The following PRIM2 variants were observed in gnomAD, a reference collection of about 807,000 sequenced individuals.
PRIM2 encodes the protein DNA primase large subunit.
PRIM2 carries 39 observed loss-of-function variants against 67.3 expected under a neutral mutation model. That is an observed-to-expected ratio of 0.58 (90% confidence interval 0.45 to 0.76). The LOEUF (loss-of-function observed/expected upper bound fraction) is 0.76. Ranked by LOEUF, PRIM2 falls within the 30% of genes least tolerant of loss-of-function variation. PRIM2 has a pLI of 0.00. For synonymous variants in PRIM2, 143 were observed against 198.7 expected (o/e 0.72, Z 2.36); for missense variants, 398 against 598.7 (o/e 0.66, Z 3.50).
intron 7 of PRIM2, among the ~76,000 whole-genome samples, chr6:57,461,357 C>T (rs1455104635): frequency 6.6e-6 from 1 of 152,180 alleles, no homozygotes; most frequent in African/African-American, 2.4e-5. Flanking sequence ...GATGGATAAA[C>T]CTTGTAGTTC....
intron 7 of PRIM2, among the ~76,000 whole-genome samples, chr6:57,430,943 G>C (rs1325449674): frequency 6.6e-6 from 1 of 152,102 alleles, no homozygotes; most frequent in Non-Finnish European, 1.5e-5. Flanking sequence ...ACTGATTGTA[G>C]AACATCAAAA....
At chr6:57,260,313 T>C in the PRIM2 span, among the ~76,000 whole-genome samples, 1 of 152,300 alleles carries the variant, frequency 6.6e-6, no homozygotes, top group East Asian at 1.9e-4. Flanking sequence ...GACCTTGAAA[T>C]ATATTTGACT....
intron 2 of PRIM2, among the ~76,000 whole-genome samples, chr6:57,319,332 C>T (rs1767576513): frequency 6.6e-6 from 1 of 152,162 alleles, no homozygotes; most frequent in Admixed American, 6.5e-5. Flanking sequence ...GAAACAGAAA[C>T]ACTAGCGTTG....
chr6:57,475,762 C>CA (rs1773462998), intron 7 of PRIM2, among the ~76,000 whole-genome samples: 1 of 152,162 alleles, frequency 6.6e-6, no homozygotes, highest in Admixed American at 6.5e-5. Context: ...TTCTTTTGCA[C>CA]ATTTATCACA....
At chr6:57,447,265 T>TA (rs1247104276) in intron 7 of PRIM2, among the ~76,000 whole-genome samples, 1 of 152,256 alleles carries the variant, frequency 6.6e-6, no homozygotes, top group Non-Finnish European at 1.5e-5. Context: ...TTTATGGAGA[T>TA]ATTGGTTCTG....
intron 8 of PRIM2, among the ~76,000 whole-genome samples, chr6:57,513,819 A>G (rs1210287075): frequency 2.0e-5 from 3 of 152,204 alleles, no homozygotes; most frequent in African/African-American, 7.2e-5. Context: ...GGTTGTAGTG[A>G]GCCAGGATCA....
the PRIM2 span, among the ~76,000 whole-genome samples, chr6:57,267,825 G>C: frequency 6.7e-6 from 1 of 150,244 alleles, no homozygotes; most frequent in Non-Finnish European, 1.5e-5. Context: ...TCCCGCCTTG[G>C]CCTCCCAAAG....
At chr6:57,229,787 G>T in the PRIM2 span, among the ~76,000 whole-genome samples, 1 of 152,176 alleles carries the variant, frequency 6.6e-6, no homozygotes, top group South Asian at 2.1e-4. Flanking sequence ...ACTGTGCCTG[G>T]CCTGCATTGC....
At chr6:57,334,292 A>T (rs988561719) in intron 5 of PRIM2, among the ~76,000 whole-genome samples, 6 of 151,998 alleles carry the variant, frequency 3.9e-5, no homozygotes, top group Non-Finnish European at 8.8e-5. Context: ...TATTGCATTT[A>T]AAAAAATCCA....
intron 7 of PRIM2, among the ~76,000 whole-genome samples, chr6:57,445,873 C>T (rs1772348000): frequency 2.0e-5 from 3 of 152,110 alleles, no homozygotes; most frequent in Non-Finnish European, 4.4e-5. Context: ...GGTTGTGCTT[C>T]CTGCAGTTCA....
At chr6:57,403,347 C>G (rs978844549) in intron 7 of PRIM2, among the ~76,000 whole-genome samples, 1 of 150,912 alleles carries the variant, frequency 6.6e-6, no homozygotes. Context: ...AGCTCTGCCT[C>G]CCGGGTTCAC....
chr6:57,239,634 C>T, the PRIM2 span, among the ~76,000 whole-genome samples: 8 of 152,010 alleles, frequency 5.3e-5, no homozygotes, highest in South Asian at 8.3e-4. Context: ...CTCAGCTACT[C>T]GGGAGGCTCA....
At chr6:57,234,717 G>T in the PRIM2 span, among the ~76,000 whole-genome samples, 1 of 152,016 alleles carries the variant, frequency 6.6e-6, no homozygotes, top group African/African-American at 2.4e-5. Context: ...TAGAGATGGG[G>T]TTTCACTGTG....
At chr6:57,552,437 C>CT (rs1210940665) in intron 10 of PRIM2, among the ~76,000 whole-genome samples, 1 of 151,980 alleles carries the variant, frequency 6.6e-6, no homozygotes, top group African/African-American at 2.4e-5. Flanking sequence ...GCAACACTGT[C>CT]TTAATCATGC....
intron 8 of PRIM2, among the ~76,000 whole-genome samples, chr6:57,521,042 A>G (rs1774609150): frequency 6.6e-6 from 1 of 152,202 alleles, no homozygotes; most frequent in African/African-American, 2.4e-5. Context: ...AATAAAATTT[A>G]TGCTTGTGGA....
chr6:57,577,127 G>A (rs1486880898), intron 10 of PRIM2, among the ~76,000 whole-genome samples: 1 of 152,026 alleles, frequency 6.6e-6, no homozygotes, highest in Non-Finnish European at 1.5e-5. Flanking sequence ...TGCTTTTTTA[G>A]CATTGCTGCC....
the PRIM2 span, among the ~76,000 whole-genome samples, chr6:57,226,627 T>C: frequency 6.6e-6 from 1 of 152,190 alleles, no homozygotes; most frequent in Non-Finnish European, 1.5e-5. Context: ...GTGCACAGAC[T>C]AGGAGATCCA....
At chr6:57,594,911 A>C (rs1311279409) in intron 10 of PRIM2, among the ~76,000 whole-genome samples, 6 of 152,252 alleles carry the variant, frequency 3.9e-5, no homozygotes, top group Admixed American at 6.5e-5. Context: ...AGAATTATTC[A>C]ATTATGGAAT....
At chr6:57,615,941 T>C (rs1261664696) in intron 12 of PRIM2, among the ~76,000 whole-genome samples, 1 of 152,184 alleles carries the variant, frequency 6.6e-6, no homozygotes, top group African/African-American at 2.4e-5. Flanking sequence ...AAATTGTCTT[T>C]TTGTTATACT....
Sources: gnomAD v4.1 joint callset for allele counts (sites outside exome capture counted in the v4.1 genomes callset) on GRCh38, gnomAD v4.1.1 for gene constraint, MANE v1.5 for transcripts, NCBI Gene and HGNC (gene_info 2026-07-23, HGNC 2026-07-21) for gene names.